Variants in IRF2 observed in about 807,000 individuals in gnomAD.
IRF2 encodes the protein interferon regulatory factor 2.
Under a neutral mutation model 40.6 loss-of-function variants are expected in IRF2, and 15 were observed. That is an observed-to-expected ratio of 0.37 (90% CI 0.25 to 0.57). IRF2 has a LOEUF of 0.57. IRF2 is among the 20% of genes least tolerant of loss of function. IRF2 has a pLI of 0.77. For synonymous variants in IRF2, 151 were observed against 165.5 expected, an observed-to-expected ratio of 0.91 and a Z score of 0.67; for missense variants, 317 against 455.7, an observed-to-expected ratio of 0.70 and a Z score of 2.77.
chr4:184,394,710 C>A (rs187151797), intron 7 of IRF2, among the ~76,000 whole-genome samples: 118 of 152,254 alleles, frequency 7.8e-4, no homozygotes, highest in Non-Finnish European at 1.2e-3. Context: ...CCCTCTTACC[C>A]ATCCTCCCCC....
At chr4:184,389,122 T>C (rs1432997844) in intron 8 of IRF2, 56 bp from the exon 9 acceptor site, 1 of 1,554,732 alleles carries the variant, frequency 6.4e-7, no homozygotes, top group Non-Finnish European at 8.9e-7. Flanking sequence ...GGATGGCTTT[T>C]TAAAAATGCA....
rs576377644 is a variant in IRF2 at position 184,394,142 on chromosome 4, G to A, written c.695-3393C>T. 3.3e-3 allele frequency among the ~76,000 whole-genome samples: 497 copies of A among 152,002 alleles called. 4 individuals carry two copies. The highest frequency in any genetic ancestry group is 4.5e-3 in the Non-Finnish European group (303 of 67,944). On this transcript the variant is annotated intron_variant, in intron 7 of 8. Coordinates refer to ENST00000393593, the MANE Select transcript of IRF2 (RefSeq NM_002199.4). ...ACAAATGAAGAAGCTGAAGGTGTTC[G>A]TACAGTACCAACAGGCACATGAGTA...
intron 1 of IRF2, among the ~76,000 whole-genome samples, chr4:184,453,550 C>A (rs1738805692): frequency 6.6e-6 from 1 of 152,240 alleles, no homozygotes; most frequent in Non-Finnish European, 1.5e-5. Context: ...AGGCACAGCT[C>A]CTCCTCCTCA....
intron 5 of IRF2, among the ~76,000 whole-genome samples, chr4:184,409,443 GT>G (rs34575172): frequency 6.6e-6 from 1 of 152,112 alleles, no homozygotes; most frequent in Admixed American, 6.5e-5. Flanking sequence ...GTATAGCTCG[GT>G]TTTTAAACAA....
chr4:184,467,713 G>A (rs1461369681), intron 1 of IRF2, among the ~76,000 whole-genome samples: 1 of 152,172 alleles, frequency 6.6e-6, no homozygotes, highest in African/African-American at 2.4e-5. Context: ...CAATTAAAAT[G>A]TACACTCAAT....
rs977068260 is a variant in IRF2 at position 184,407,216 on chromosome 4, C to T, written c.529+942G>A. On this transcript the variant is annotated intron_variant, in intron 6 of 8. Transcript: ENST00000393593. ...CCAGCGGAGGCCTGTCAGGACAATT[C>T]AGCATGCTGCTGGCTTCTTCCGTTT... 6 of 1,289,302 alleles carry T rather than the reference C, an allele frequency of 4.7e-6. No homozygotes were observed. In the African/African-American group the frequency reaches 7.6e-5, roughly 16 times the overall value. The allele number at this position is 1,289,302 out of a possible 1,614,324, so 79.9% of individuals were successfully genotyped here.
chr4:184,392,120 G>A (rs981736849), intron 7 of IRF2, among the ~76,000 whole-genome samples: 5 of 152,192 alleles, frequency 3.3e-5, no homozygotes, highest in South Asian at 2.1e-4. Context: ...AATGGTGTGC[G>A]ATTATTCCAG....
intron 1 of IRF2, among the ~76,000 whole-genome samples, chr4:184,469,653 G>A (rs1422481735): frequency 1.3e-5 from 2 of 152,186 alleles, no homozygotes; most frequent in Non-Finnish European, 2.9e-5. Flanking sequence ...CCAGCCTGGT[G>A]GACAGAGTGA....
At position 184,418,524 on chromosome 4, in the gene IRF2, G is replaced by A; in HGVS notation, c.364+8C>T. 1.9e-6 allele frequency: 3 copies of A among 1,612,624 alleles called. No individual in the cohort carries two copies. The highest frequency in any genetic ancestry group is 8.5e-7 in the Non-Finnish European group (1 of 1,178,660). ...ATTTACCTTATTTTAGTCTGTAAAT[G>A]CCTTTACCTTTCTTAGAAGGCCGTT... On this transcript the variant is annotated splice_region_variant and intron_variant, in intron 4 of 8. Coordinates refer to ENST00000393593, the MANE Select transcript of IRF2 (RefSeq NM_002199.4).
chr4:184,412,619 T>G (rs1375408225), intron 5 of IRF2, among the ~76,000 whole-genome samples: 1 of 152,150 alleles, frequency 6.6e-6, no homozygotes, highest in East Asian at 1.9e-4. Context: ...CCTTGGCGAG[T>G]GCACACACCC....
At chr4:184,391,362 G>A (rs1305598785) in intron 7 of IRF2, among the ~76,000 whole-genome samples, 1 of 152,186 alleles carries the variant, frequency 6.6e-6, no homozygotes, top group Admixed American at 6.5e-5. Flanking sequence ...ACAGCAAAGG[G>A]GATGAAATGG....
intron 2 of IRF2, among the ~76,000 whole-genome samples, chr4:184,426,678 C>T (rs35591456): frequency 0.18 from 27,739 of 152,100 alleles, 2,739 homozygotes; most frequent in Admixed American, 0.29. Context: ...CCAACCACAG[C>T]GGTCAACATA....
chr4:184,470,204 AAAG>A (rs1173021304), intron 1 of IRF2, among the ~76,000 whole-genome samples: 4 of 152,234 alleles, frequency 2.6e-5, no homozygotes, highest in South Asian at 2.1e-4. Flanking sequence ...ATACAGATGA[AAAG>A]AAGAACTAAT....
chr4:184,462,875 C>G (rs891536495), intron 1 of IRF2, among the ~76,000 whole-genome samples: 3 of 152,184 alleles, frequency 2.0e-5, no homozygotes, highest in African/African-American at 7.2e-5. Context: ...TGGAATTCAG[C>G]CTTTCAAGCT....
Position 184,433,864 on chromosome 4 carries a change from G to A in IRF2, c.-6-4794C>T, listed in dbSNP as rs1313354425. On this transcript the variant is annotated intron_variant, in intron 1 of 8. Coordinates refer to ENST00000393593, the MANE Select transcript of IRF2 (RefSeq NM_002199.4). The stretch of plus-strand genomic sequence containing the variant: ...TTGCCATTTGACACAGGTTTCTCAC[G>A]ACTAGCCGAGGGTGAGCGTACATCT... Among the ~76,000 whole-genome samples the A allele has an allele frequency of 4.6e-5, 7 of 152,202 alleles. No individual in the cohort carries two copies. In the South Asian group the frequency reaches 1.2e-3, roughly 27 times the overall value.
chr4:184,396,872 G>A (rs1361211076), intron 7 of IRF2, among the ~76,000 whole-genome samples: 1 of 152,126 alleles, frequency 6.6e-6, no homozygotes. Flanking sequence ...GGAGGCTGAG[G>A]CGAGCAGATC....
intron 1 of IRF2, among the ~76,000 whole-genome samples, chr4:184,453,489 G>A (rs1038900049): frequency 3.3e-5 from 5 of 152,218 alleles, no homozygotes; most frequent in South Asian, 2.1e-4. Context: ...TAATCAGCAC[G>A]TCCTCTGAGC....
intron 5 of IRF2, among the ~76,000 whole-genome samples, chr4:184,415,413 G>A (rs1737230932): frequency 6.6e-6 from 1 of 152,182 alleles, no homozygotes; most frequent in African/African-American, 2.4e-5. Flanking sequence ...CCAGGACCGT[G>A]CCTTCCACAA....
Position 184,408,325 on chromosome 4 carries a change from C to G in IRF2, c.412-50G>C. 8.9e-7 allele frequency: 1 copy of G among 1,127,580 alleles called. No individual in the cohort carries two copies. The highest frequency in any genetic ancestry group is 1.5e-5 in the African/African-American group (1 of 65,094). The allele number at this position is 1,127,580 out of a possible 1,614,324, so 69.8% of individuals were successfully genotyped here. ...ATTGAGAACACTTCCTTTCCCCTCC[C>G]TTCTCTTAGCTGAAATTCTACCCTC... On this transcript the variant is annotated intron_variant, in intron 5 of 8. Coordinates refer to ENST00000393593, the MANE Select transcript of IRF2 (RefSeq NM_002199.4). The surrounding 1 kb of genome is among the most constrained non-coding windows in gnomAD (Gnocchi z 4.9).
Sources: allele counts gnomAD v4.1 joint callset (sites outside exome capture counted in the v4.1 genomes callset), GRCh38; gene constraint gnomAD v4.1.1; non-coding constraint Gnocchi (gnomAD v3.1); transcripts MANE v1.5; gene names NCBI Gene and HGNC (gene_info 2026-07-23, HGNC 2026-07-21).